CCSER1: variants seen among roughly 807,000 people sequenced by gnomAD.
The protein encoded by CCSER1 is coiled-coil serine rich protein 1.
A neutral mutation model predicts 82.0 loss-of-function variants in CCSER1; 41 were observed. That is an observed-to-expected ratio of 0.50 (90% CI 0.39 to 0.65). The LOEUF is 0.65. CCSER1 is among the 30% of genes least tolerant of loss of function. CCSER1 has a pLI of 0.00. For synonymous variants in CCSER1, 414 were observed against 383.9 expected, an observed-to-expected ratio of 1.08 and a Z score of -0.92; for missense variants, 1,119 against 1,064.2, an observed-to-expected ratio of 1.05 and a Z score of -0.72.
At chr4:90,312,466 A>G (rs1735472173) in intron 2 of CCSER1, among the ~76,000 whole-genome samples, 1 of 152,104 alleles carries the variant, frequency 6.6e-6, no homozygotes, top group Non-Finnish European at 1.5e-5. Context: ...TGTGGAATGT[A>G]GATTGTGTTG....
At chr4:91,510,541 G>T (rs1281762641) in intron 10 of CCSER1, among the ~76,000 whole-genome samples, 1 of 152,150 alleles carries the variant, frequency 6.6e-6, no homozygotes, top group African/African-American at 2.4e-5. Context: ...ACAAAAGATG[G>T]TGTTTTATTG....
intron 10 of CCSER1, among the ~76,000 whole-genome samples, chr4:91,199,304 T>TA (rs112182655): frequency 0.03 from 4,574 of 152,128 alleles, 235 homozygotes; most frequent in African/African-American, 0.1. Flanking sequence ...GGTGGCCAGT[T>TA]AAAAAGAAAT....
At chr4:90,339,902 TTA>T (rs1039242003) in intron 3 of CCSER1, among the ~76,000 whole-genome samples, 6 of 150,018 alleles carry the variant, frequency 4.0e-5, no homozygotes, top group Admixed American at 1.3e-4. Context: ...ATGTACTATT[TTA>T]TATATATATA....
At chr4:90,467,993 G>T (rs1763860069) in intron 4 of CCSER1, among the ~76,000 whole-genome samples, 1 of 152,070 alleles carries the variant, frequency 6.6e-6, no homozygotes, top group Admixed American at 6.5e-5. Context: ...TTTAGAGAAG[G>T]ACTATAAACT....
chr4:91,552,246 T>G (rs1290084398), intron 10 of CCSER1, among the ~76,000 whole-genome samples: 1 of 151,708 alleles, frequency 6.6e-6, no homozygotes, highest in Non-Finnish European at 1.5e-5. Flanking sequence ...GTGCTTAAGC[T>G]GATAAATGTA....
At chr4:90,810,244 G>C (rs550232150) in intron 7 of CCSER1, among the ~76,000 whole-genome samples, 3 of 152,258 alleles carry the variant, frequency 2.0e-5, no homozygotes, top group African/African-American at 7.2e-5. Context: ...TTACAAGCGA[G>C]AGCCACCATG....
At chr4:90,949,387 A>G (rs1018848481) in intron 9 of CCSER1, among the ~76,000 whole-genome samples, 5 of 152,136 alleles carry the variant, frequency 3.3e-5, no homozygotes, top group African/African-American at 1.2e-4. Context: ...AGAATATTAT[A>G]ATATCAGACT....
chr4:91,489,942 T>C (rs1294481538), intron 10 of CCSER1, among the ~76,000 whole-genome samples: 1 of 152,014 alleles, frequency 6.6e-6, no homozygotes, highest in Non-Finnish European at 1.5e-5. Context: ...AAGATATGAA[T>C]AGATATTTCT....
At chr4:90,613,228 G>T (rs968354984) in intron 5 of CCSER1, among the ~76,000 whole-genome samples, 1 of 152,138 alleles carries the variant, frequency 6.6e-6, no homozygotes, top group Admixed American at 6.6e-5. Flanking sequence ...GAGGCACACA[G>T]AAATGAAAAG....
At position 91,576,283 on chromosome 4, in the gene CCSER1, TAAGTG is replaced by T. The variant is rs553829186; in HGVS notation, c.2218-22284_2218-22280del. Among the ~76,000 whole-genome samples, 539 of 152,108 alleles carry T rather than the reference TAAGTG, an allele frequency of 3.5e-3. 2 individuals are homozygous for T. The highest frequency in any genetic ancestry group is 5.9e-3 in the Non-Finnish European group (399 of 67,892). On this transcript the variant is annotated intron_variant, in intron 10 of 10. Coordinates refer to ENST00000509176, the MANE Select transcript of CCSER1 (RefSeq NM_001145065.2). ...TAGGTTTACCTGGAGGGCATTATGC[TAAGTG>T]AAGTAAGACACAGAAGACAAATACT...
At chr4:90,361,666 A>G (rs1745406740) in intron 3 of CCSER1, among the ~76,000 whole-genome samples, 1 of 152,202 alleles carries the variant, frequency 6.6e-6, no homozygotes, top group Non-Finnish European at 1.5e-5. Flanking sequence ...CCTCTCGTCT[A>G]GCAGTCCCCA....
At chr4:90,865,686 G>A (rs1171416046) in intron 8 of CCSER1, among the ~76,000 whole-genome samples, 2 of 151,728 alleles carry the variant, frequency 1.3e-5, no homozygotes, top group African/African-American at 2.4e-5. Context: ...TATGAAAGAT[G>A]TTATAAATCA....
intron 1 of CCSER1, among the ~76,000 whole-genome samples, chr4:90,179,048 A>C (rs139372520): frequency 6.6e-6 from 1 of 152,186 alleles, no homozygotes; most frequent in Non-Finnish European, 1.5e-5. Context: ...TCTGGAGATC[A>C]TCAGACTTCT....
At chr4:90,843,892 AATAAC>A (rs1380004184) in intron 8 of CCSER1, among the ~76,000 whole-genome samples, 4 of 152,116 alleles carry the variant, frequency 2.6e-5, no homozygotes, top group African/African-American at 9.7e-5. Context: ...TGATGAGCCT[AATAAC>A]ATTACTTAGT....
intron 10 of CCSER1, among the ~76,000 whole-genome samples, chr4:91,320,170 T>C (rs896738006): frequency 7.9e-5 from 12 of 152,068 alleles, no homozygotes; most frequent in Admixed American, 2.6e-4. Context: ...AGAGTAGTGA[T>C]GCTGGCTTTG....
chr4:91,302,713 C>A (rs1744761050), intron 10 of CCSER1, among the ~76,000 whole-genome samples: 1 of 151,878 alleles, frequency 6.6e-6, no homozygotes. Flanking sequence ...CTTTTCTCTG[C>A]CATCACATCC....
chr4:90,856,945 T>C (rs1764529384), intron 8 of CCSER1, among the ~76,000 whole-genome samples: 1 of 151,944 alleles, frequency 6.6e-6, no homozygotes. Context: ...TTTTTTTTTT[T>C]TTTAAGACTA....
chr4:90,229,535 A>T (rs1057208978), intron 1 of CCSER1, among the ~76,000 whole-genome samples: 3 of 152,196 alleles, frequency 2.0e-5, no homozygotes, highest in Non-Finnish European at 4.4e-5. Context: ...TGTAAAGACC[A>T]TCGAGACTAG....
chr4:90,460,670 A>T (rs898334561), intron 4 of CCSER1, among the ~76,000 whole-genome samples: 3 of 152,158 alleles, frequency 2.0e-5, no homozygotes, highest in African/African-American at 7.2e-5. Context: ...ATTAGCCTTA[A>T]ATAATATGGT....
Sources: gnomAD v4.1 joint callset for allele counts (sites outside exome capture counted in the v4.1 genomes callset) on GRCh38, gnomAD v4.1.1 for gene constraint, MANE v1.5 for transcripts, NCBI Gene and HGNC (gene_info 2026-07-23, HGNC 2026-07-21) for gene names.